The following SLIT2 variants were observed in gnomAD, a reference collection of about 807,000 sequenced individuals.
The protein encoded by SLIT2 is slit homolog 2 protein.
In SLIT2, 41 loss-of-function variants were observed where a neutral mutation model predicts 185.7. The observed-to-expected ratio is 0.22, with a 90% CI of 0.17 to 0.29. The LOEUF (loss-of-function observed/expected upper bound fraction) is 0.29, where lower values mean the gene tolerates loss of function less well. Among genes scored for constraint, SLIT2 ranks in the 10% least tolerant of loss-of-function variants. SLIT2 has a pLI of 1.00. For synonymous variants in SLIT2, 693 were observed against 680.2 expected, an observed-to-expected ratio of 1.02 and a Z score of -0.29; for missense variants, 1,571 against 1,909.0, an observed-to-expected ratio of 0.82 and a Z score of 3.30.
intron 34 of SLIT2, 28 bp downstream of exon 34, chr4:20,610,195 C>T (rs35891001): frequency 0.12 from 193,015 of 1,594,542 alleles, 14,181 homozygotes; most frequent in East Asian, 0.34. Context: ...TTCAGGTGGT[C>T]CTGAAACCCT....
intron 4 of SLIT2, among the ~76,000 whole-genome samples, chr4:20,437,437 A>G (rs1373375363): frequency 6.6e-6 from 1 of 152,124 alleles, no homozygotes; most frequent in Non-Finnish European, 1.5e-5. Flanking sequence ...CAACATAGGG[A>G]GACCCTGTCT....
chr4:20,598,443 A>T (rs1560228379), intron 33 of SLIT2, 48 bp downstream of exon 33: 1 of 1,601,318 alleles, frequency 6.2e-7, no homozygotes, highest in Non-Finnish European at 8.6e-7. Flanking sequence ...TTGCTTAATG[A>T]AGAACTGCTT....
At chr4:20,511,595 T>TTTTTTTTTTTTTTTTTTTTTTTTTA (rs1211611464) in intron 11 of SLIT2, among the ~76,000 whole-genome samples, 1 of 137,830 alleles carries the variant, frequency 7.3e-6, no homozygotes, top group African/African-American at 2.7e-5. Context: ...TAATTTTTTT[T>TTTTTTTTTTTTTTTTTTTTTTTTTA]TTTTTTTTAT....
At chr4:20,576,049 T>C (rs550672975) in intron 29 of SLIT2, among the ~76,000 whole-genome samples, 85 of 152,332 alleles carry the variant, frequency 5.6e-4, no homozygotes, top group African/African-American at 1.9e-3. Context: ...CATGTAACTA[T>C]GTATCGGAAA....
intron 4 of SLIT2, among the ~76,000 whole-genome samples, chr4:20,302,803 A>G (rs762601033): frequency 1.3e-5 from 2 of 152,222 alleles, no homozygotes; most frequent in Admixed American, 6.5e-5. Context: ...TTTATCATCC[A>G]ATCAAATCTA....
intron 11 of SLIT2, among the ~76,000 whole-genome samples, chr4:20,515,297 A>T (rs901896835): frequency 6.6e-6 from 1 of 152,190 alleles, no homozygotes; most frequent in African/African-American, 2.4e-5. Context: ...TCTTGATAGA[A>T]AGCAATTTGT....
intron 4 of SLIT2, among the ~76,000 whole-genome samples, chr4:20,434,679 C>A (rs561686452): frequency 6.6e-6 from 1 of 152,126 alleles, no homozygotes; most frequent in East Asian, 1.9e-4. Flanking sequence ...TGGAAACTGG[C>A]AAGATATAAG....
chr4:20,363,426 T>C (rs1168597423), intron 4 of SLIT2, among the ~76,000 whole-genome samples: 1 of 152,144 alleles, frequency 6.6e-6, no homozygotes, highest in East Asian at 1.9e-4. Context: ...TACATCTATG[T>C]TTGCTTAATA....
intron 4 of SLIT2, among the ~76,000 whole-genome samples, chr4:20,416,734 A>T (rs1367345058): frequency 6.6e-6 from 1 of 152,216 alleles, no homozygotes; most frequent in African/African-American, 2.4e-5. Context: ...ACAATTAAGA[A>T]ATTTAAGAAT....
intron 19 of SLIT2, 46 bp downstream of exon 19, chr4:20,539,630 A>G (rs1054785005): frequency 7.8e-7 from 1 of 1,281,482 alleles, no homozygotes; most frequent in Non-Finnish European, 1.1e-6. Context: ...GCCATTTATT[A>G]TATTTGTTAA....
chr4:20,512,049 T>C (rs1168737485), intron 11 of SLIT2, among the ~76,000 whole-genome samples: 2 of 152,190 alleles, frequency 1.3e-5, no homozygotes, highest in Non-Finnish European at 2.9e-5. Flanking sequence ...TACTTCACAC[T>C]TGTAAAAAAA....
At chr4:20,533,983 C>G (rs185052449) in intron 18 of SLIT2, among the ~76,000 whole-genome samples, 1 of 152,026 alleles carries the variant, frequency 6.6e-6, no homozygotes, top group East Asian at 1.9e-4. Context: ...TGGTCCTTTA[C>G]CCCAATATTC....
chr4:20,481,424 T>G (rs997864661), intron 6 of SLIT2, among the ~76,000 whole-genome samples: 1 of 152,154 alleles, frequency 6.6e-6, no homozygotes, highest in African/African-American at 2.4e-5. Context: ...GTAATTTTAA[T>G]GAAATTACAA....
At chr4:20,342,790 A>C (rs557980639) in intron 4 of SLIT2, among the ~76,000 whole-genome samples, 2 of 127,286 alleles carry the variant, frequency 1.6e-5, no homozygotes, top group South Asian at 5.2e-4. Context: ...AGATACAGGC[A>C]TAAGCAACAG....
At chr4:20,394,094 T>G (rs1725682207) in intron 4 of SLIT2, among the ~76,000 whole-genome samples, 1 of 151,992 alleles carries the variant, frequency 6.6e-6, no homozygotes, top group Non-Finnish European at 1.5e-5. Flanking sequence ...GAATATTTGG[T>G]GGCTGAACTA....
At chr4:20,312,771 CAAAAA>C (rs34372893) in intron 4 of SLIT2, among the ~76,000 whole-genome samples, 36 of 102,146 alleles carry the variant, frequency 3.5e-4, no homozygotes, top group African/African-American at 1.3e-3. Flanking sequence ...GACTTTGTCT[CAAAAA>C]AAAAAAAAAA....
intron 4 of SLIT2, among the ~76,000 whole-genome samples, chr4:20,435,108 A>G (rs1334975807): frequency 6.6e-6 from 1 of 152,228 alleles, no homozygotes; most frequent in Non-Finnish European, 1.5e-5. Context: ...AATGTTTGGC[A>G]ACATTGCTCC....
At chr4:20,375,754 A>C (rs1723961912) in intron 4 of SLIT2, among the ~76,000 whole-genome samples, 1 of 152,002 alleles carries the variant, frequency 6.6e-6, no homozygotes, top group Non-Finnish European at 1.5e-5. Context: ...AAAGGATCTA[A>C]TTTTAGAGTT....
At chr4:20,415,937 T>A (rs921226225) in intron 4 of SLIT2, among the ~76,000 whole-genome samples, 3 of 152,212 alleles carry the variant, frequency 2.0e-5, no homozygotes, top group African/African-American at 7.2e-5. Flanking sequence ...ATTAAATTCT[T>A]ATCCTCAGTT....
Sources: gnomAD v4.1 joint callset for allele counts (sites outside exome capture counted in the v4.1 genomes callset) on GRCh38, gnomAD v4.1.1 for gene constraint, MANE v1.5 for transcripts, NCBI Gene and HGNC (gene_info 2026-07-23, HGNC 2026-07-21) for gene names.